The following DRC1 variants were observed in gnomAD, a reference collection of about 807,000 sequenced individuals.
DRC1 encodes the protein dynein regulatory complex subunit 1, also known as dynein regulatory complex protein 1.
A neutral mutation model predicts 98.7 loss-of-function variants in DRC1; 74 were observed. The ratio of observed to expected loss-of-function variants is 0.75; its 90% CI spans 0.62 to 0.91. The LOEUF (loss-of-function observed/expected upper bound fraction) is 0.91. DRC1 is among the 40% of genes least tolerant of loss of function. The probability of loss-of-function intolerance (pLI) is 0.00; values close to 1 mark genes in which losing one functional copy is unlikely to be tolerated. For synonymous variants in DRC1, 336 were observed against 334.1 expected (o/e 1.01, Z -0.06); for missense variants, 875 against 886.0 (o/e 0.99, Z 0.16).
intron 8 of DRC1, among the ~76,000 whole-genome samples, chr2:26,443,398 G>A (rs922445090): frequency 5.3e-5 from 8 of 152,212 alleles, no homozygotes; most frequent in East Asian, 1.9e-4. Flanking sequence ...GAGCTGTGCC[G>A]TGCCTGGATT....
chr2:26,424,028 G>C (rs1008701038), intron 3 of DRC1, among the ~76,000 whole-genome samples: 3 of 151,988 alleles, frequency 2.0e-5, no homozygotes, highest in African/African-American at 7.2e-5. Flanking sequence ...ATGTGTGTGT[G>C]TGTGTAGCCT....
At chr2:26,448,489 G>A in intron 10 of DRC1, 1 of 698,958 alleles carries the variant, frequency 1.4e-6, no homozygotes, top group Non-Finnish European at 2.7e-6. Context: ...TCTCCAGGTA[G>A]TCTCTGATTC....
chr2:26,437,391 T>C (rs1239128386), intron 7 of DRC1, among the ~76,000 whole-genome samples: 2 of 152,154 alleles, frequency 1.3e-5, no homozygotes, highest in Non-Finnish European at 2.9e-5. Flanking sequence ...TCCTTTGTAG[T>C]TGTAGTTGAA....
intron 4 of DRC1, among the ~76,000 whole-genome samples, chr2:26,427,690 C>G (rs1663322726): frequency 6.6e-6 from 1 of 151,918 alleles, no homozygotes; most frequent in South Asian, 2.1e-4. Context: ...TATTTTTGTG[C>G]CTATTAACCA....
intron 1 of DRC1, among the ~76,000 whole-genome samples, chr2:26,412,620 G>GCA (rs1442333023): frequency 6.6e-6 from 1 of 151,940 alleles, no homozygotes. Flanking sequence ...ACACAGACAA[G>GCA]CACACACACA....
At chr2:26,432,493 T>C (rs544880928) in intron 7 of DRC1, among the ~76,000 whole-genome samples, 2 of 143,678 alleles carry the variant, frequency 1.4e-5, no homozygotes, top group South Asian at 2.2e-4. Flanking sequence ...AGCAAGACTT[T>C]GTGAGAAAGA....
chr2:26,446,865 G>A (rs1663865453), intron 10 of DRC1, among the ~76,000 whole-genome samples: 2 of 152,102 alleles, frequency 1.3e-5, no homozygotes, highest in African/African-American at 2.4e-5. Context: ...GCCAAGGCGC[G>A]CAGATCACCT....
intron 13 of DRC1, among the ~76,000 whole-genome samples, 176 bp from the exon 14 acceptor site, chr2:26,453,144 C>T (rs1175058768): frequency 6.6e-6 from 1 of 152,166 alleles, no homozygotes; most frequent in Non-Finnish European, 1.5e-5. Context: ...TAGTGCCTCT[C>T]CCCATCCCAT....
chr2:26,432,928 C>T (rs911835816), intron 7 of DRC1, among the ~76,000 whole-genome samples: 2 of 152,230 alleles, frequency 1.3e-5, no homozygotes, highest in Non-Finnish European at 2.9e-5. Context: ...AGCCTATATT[C>T]TTCCCCTTAT....
In DRC1 at chr2:26,456,658, G is replaced by C; in HGVS notation, c.*141G>C. 2 of 875,506 alleles carry C rather than the reference G, an allele frequency of 2.3e-6. No individual in the cohort carries two copies. The highest frequency in any genetic ancestry group is 3.6e-6 in the Non-Finnish European group (2 of 561,806). The allele number at this position is 875,506 out of a possible 1,614,324, so 54.2% of individuals were successfully genotyped here. A position where few individuals can be genotyped will look rare whatever the true frequency, so the allele number is the denominator to read the frequency against. ...CTGTCTTTATAGCCTGTCGAAATAA[G>C]GAGCCAGAGGAGTTACCTGTGTCCT... On this transcript the variant is annotated 3_prime_UTR_variant, in exon 17 of 17. Coordinates refer to ENST00000288710, the MANE Select transcript of DRC1 (RefSeq NM_145038.5).
rs368859380 is a variant in DRC1, at chr2:26,444,305, C to T, written c.1112C>T (p.Ser371Leu). The T allele has an allele frequency of 6.1e-5, 98 of 1,614,066 alleles. No homozygotes were observed. The highest frequency in any genetic ancestry group is 7.2e-5 in the Non-Finnish European group (85 of 1,180,034). The change falls in exon 9 of 17, where the codon TCG (serine) becomes TTG (leucine). Residue 371 changes from serine to leucine, a missense_variant. Transcript: ENST00000288710. ...QFQEENQSLT[S>L]DYKRLVMQFK... Reference sequence around the variant, plus strand: ...CAGGAGGAGAACCAGTCTCTAACCTCGGACTACAAACGTCTTGTGATGCAA... The same window carrying T: ...CAGGAGGAGAACCAGTCTCTAACCTTGGACTACAAACGTCTTGTGATGCAA...
intron 10 of DRC1, among the ~76,000 whole-genome samples, chr2:26,446,027 A>G (rs986200928): frequency 1.3e-5 from 2 of 151,172 alleles, no homozygotes. Flanking sequence ...CACACATTAT[A>G]CTTTTCCTGC....
At chr2:26,439,922 A>AATATATATATAT (rs60317791) in intron 7 of DRC1, among the ~76,000 whole-genome samples, 484 of 43,444 alleles carry the variant, frequency 0.011, 74 homozygotes, top group African/African-American at 0.034. Flanking sequence ...CTAGTGTGTG[A>AATATATATATAT]ATATATATAT....
chr2:26,416,748 A>G (rs374089877), intron 2 of DRC1, among the ~76,000 whole-genome samples: 1 of 152,172 alleles, frequency 6.6e-6, no homozygotes, highest in South Asian at 2.1e-4. Flanking sequence ...TCGTTTCTAC[A>G]TTCTCCATTC....
chr2:26,419,827 A>T, intron 2 of DRC1, among the ~76,000 whole-genome samples: 1 of 152,224 alleles, frequency 6.6e-6, no homozygotes, highest in East Asian at 1.9e-4. Flanking sequence ...AGGAGTGAAG[A>T]TACTGGAGAT....
Position 26,449,457 on chromosome 2 carries a change from T to C in DRC1, c.1510-539T>C, listed in dbSNP as rs570017324. Among the ~76,000 whole-genome samples the C allele has an allele frequency of 2.6e-5, 4 of 152,332 alleles. No individual in the cohort carries two copies. In the South Asian group the frequency reaches 6.2e-4, roughly 24 times the overall value. On this transcript the variant is annotated intron_variant, in intron 11 of 16. Coordinates refer to ENST00000288710, the MANE Select transcript of DRC1 (RefSeq NM_145038.5). ...TCTGCCCTCTGAACCTGCAGCTGGA[T>C]GCAGAGGCCACCTCCCCATGGAGCT...
chr2:26,440,280 G>T, intron 7 of DRC1, 98 bp from the exon 8 acceptor site: 1 of 1,333,936 alleles, frequency 7.5e-7, no homozygotes, highest in Non-Finnish European at 9.7e-7. Context: ...ATACTCTAGT[G>T]TATATAATAC....
In DRC1 at chr2:26,453,327, C is replaced by G; in HGVS notation, c.1697C>G (p.Pro566Arg). ...CCGTGCATCTTTCTCCAGATCAAGC[C>G]CTGCAGTCAGGCGAGCATGGAGAAG... is the stretch of plus-strand genomic sequence containing the variant. ...HRLSSSLQIK[P>R]CSQASMEKAS... Residue 566 changes from proline (P) to arginine (R), a missense_variant, in exon 14 of 17, where the codon CCC becomes CGC. Physicochemically the swap from Pro to Arg is moderately radical, Grantham distance 103. Transcript: ENST00000288710. 6.2e-7 allele frequency: 1 copy of G among 1,614,114 alleles called. No individual in the cohort carries two copies. The highest frequency in any genetic ancestry group is 8.5e-7 in the Non-Finnish European group (1 of 1,180,024).
Position 26,444,880 on chromosome 2 carries a change from T to C in DRC1, c.1328T>C (p.Val443Ala), listed in dbSNP as rs1284497827. The C allele has an allele frequency of 6.2e-7, 1 of 1,614,222 alleles. No homozygotes were observed. The highest frequency in any genetic ancestry group is 8.5e-7 in the Non-Finnish European group (1 of 1,180,034). ...CCTGATTTCTGGTTCCTGAACAATG[T>C]TGGGCCTATTTCTCAGCAGCCCCAG... Reference protein sequence around the residue: ...AAPDFWFLNNVGPISQQPQKS... With the variant: ...AAPDFWFLNNAGPISQQPQKS... The change falls in exon 10 of 17, where the codon GTT becomes GCT. Residue 443 changes from valine (V) to alanine (A), a missense_variant. Transcript: ENST00000288710.
Sources: allele counts gnomAD v4.1 joint callset (sites outside exome capture counted in the v4.1 genomes callset), GRCh38; gene constraint gnomAD v4.1.1; transcripts MANE v1.5; gene names NCBI Gene and HGNC (gene_info 2026-07-23, HGNC 2026-07-21).